APOO: variants seen among roughly 807,000 people sequenced by gnomAD.
APOO encodes apolipoprotein O, also known as MICOS complex subunit MIC26.
Under a neutral mutation model 23.1 loss-of-function variants are expected in APOO, and 11 were observed. The ratio of observed to expected loss-of-function variants is 0.48; its 90% CI spans 0.30 to 0.79. APOO has a LOEUF of 0.79. APOO is among the 30% of genes least tolerant of loss of function. The probability of loss-of-function intolerance (pLI) is 0.07; values close to 1 mark genes in which losing one functional copy is unlikely to be tolerated. For missense variants in APOO, 160 were observed against 142.7 expected, an observed-to-expected ratio of 1.12 and a Z score of -0.62; for synonymous variants, 59 against 54.8, an observed-to-expected ratio of 1.08 and a Z score of -0.34.
chrX:23,862,985 AT>A (rs770540878), intron 5 of APOO, among the ~76,000 whole-genome samples: 9 of 105,132 alleles, frequency 8.6e-5, no homozygotes, highest in Non-Finnish European at 1.6e-4. Flanking sequence ...AAAAGAAGAT[AT>A]TTTCCTTCAG....
intron 8 of APOO, among the ~76,000 whole-genome samples, chrX:23,836,226 C>T (rs764721415): frequency 3.6e-4 from 41 of 112,680 alleles, no homozygotes; most frequent in Non-Finnish European, 6.4e-4. Flanking sequence ...CTCTACCTCC[C>T]GGGTTCAAGC....
At chrX:23,876,548 C>A (rs748175193) in intron 3 of APOO, among the ~76,000 whole-genome samples, 1 of 110,470 alleles carries the variant, frequency 9.1e-6, no homozygotes, top group South Asian at 3.8e-4. Flanking sequence ...TGCCTGTAAT[C>A]CCAGCACCTT....
At chrX:23,887,226 TC>T (rs1372907673) in intron 1 of APOO, among the ~76,000 whole-genome samples, 2 of 84,186 alleles carry the variant, frequency 2.4e-5, no homozygotes, top group African/African-American at 8.2e-5. Flanking sequence ...TTTTTCTTTT[TC>T]CCTTTTTTTT....
intron 1 of APOO, among the ~76,000 whole-genome samples, chrX:23,895,620 A>G (rs1005195894): frequency 1.2e-4 from 13 of 111,298 alleles, no homozygotes; most frequent in Admixed American, 7.7e-4. Context: ...ACAAACCTTC[A>G]TGTTCCGCAC....
intron 1 of APOO, among the ~76,000 whole-genome samples, chrX:23,895,841 AAAG>A (rs371264699): frequency 3.4e-4 from 37 of 109,478 alleles, no homozygotes; most frequent in African/African-American, 6.6e-4. Context: ...ACTAAAAAAA[AAAG>A]AAGAAGAAGA....
At position 23,907,924 on chromosome X, in the gene APOO, C is replaced by G; in HGVS notation, c.-222G>C. On this transcript the variant is annotated 5_prime_UTR_variant, in exon 1 of 9. Coordinates refer to ENST00000379226, the MANE Select transcript of APOO (RefSeq NM_024122.5). ...GCCGCAGCGCGTCGCGCCCGGGCAG[C>G]GGGTGAACGCAAACCCCGCCCTCCA... The G allele has an allele frequency of 2.7e-6, 1 of 372,001 alleles. No homozygotes were observed. The highest frequency in any genetic ancestry group is 4.5e-6 in the Non-Finnish European group (1 of 224,122). 30.7% of individuals were successfully genotyped at this position (372,001 alleles called of 1,213,427 possible). A position where few individuals can be genotyped will look rare whatever the true frequency, so the allele number is the denominator to read the frequency against.
At chrX:23,883,893 G>A (rs1334028909) in intron 1 of APOO, 3 of 111,990 alleles carry the variant, frequency 2.7e-5, no homozygotes, top group African/African-American at 9.7e-5. Context: ...CCTGTAAGAG[G>A]GACAAGGGAA....
intron 7 of APOO, among the ~76,000 whole-genome samples, chrX:23,853,737 T>C (rs1924656723): frequency 9.1e-6 from 1 of 110,450 alleles, no homozygotes; most frequent in African/African-American, 3.3e-5. Context: ...GAGATTCTCC[T>C]GCCTCAGCCT....
intron 1 of APOO, among the ~76,000 whole-genome samples, chrX:23,884,725 T>C: frequency 9.0e-6 from 1 of 111,543 alleles, no homozygotes; most frequent in Non-Finnish European, 1.9e-5. Flanking sequence ...TACAACATAA[T>C]GACTAGAGTT....
chrX:23,859,408 ACTTT>A (rs1205462417), intron 5 of APOO, among the ~76,000 whole-genome samples: 1 of 108,177 alleles, frequency 9.2e-6, no homozygotes, highest in Non-Finnish European at 1.9e-5. Context: ...CCATTGATCT[ACTTT>A]CTATCTCTAT....
At chrX:23,851,796 T>C (rs1569228885) in intron 7 of APOO, among the ~76,000 whole-genome samples, 4 of 112,434 alleles carry the variant, frequency 3.6e-5, no homozygotes, top group Middle Eastern at 9.1e-3. Flanking sequence ...AAAAGGGATG[T>C]GGCAGAGCAG....
At chrX:23,875,229 G>A (rs1198895363) in intron 3 of APOO, among the ~76,000 whole-genome samples, 3 of 102,899 alleles carry the variant, frequency 2.9e-5, no homozygotes, top group African/African-American at 7.1e-5. Flanking sequence ...CAGCCTGGGC[G>A]TGTCTCAAAA....
chrX:23,881,397 A>T (rs1926119250), intron 1 of APOO, among the ~76,000 whole-genome samples: 3 of 107,034 alleles, frequency 2.8e-5, no homozygotes, highest in Admixed American at 2.1e-4. Context: ...TTTTTTAAAA[A>T]ATCAGCCAGG....
At chrX:23,877,312 T>C (rs781539907) in intron 3 of APOO, among the ~76,000 whole-genome samples, 1 of 112,503 alleles carries the variant, frequency 8.9e-6, no homozygotes, top group South Asian at 3.6e-4. Flanking sequence ...TTAAAGTCTT[T>C]AGGTATTACT....
At position 23,880,878 on chromosome X, in the gene APOO, G is replaced by A. The variant is rs781514425; in HGVS notation, c.84C>T (p.Asp28=). Reference sequence around the variant, plus strand: ...CCTTCACGGAATTTTTGGGAGGTGAGTCCTTTTTTGGTGCTGCATAGACTT... The same window carrying A: ...CCTTCACGGAATTTTTGGGAGGTGAATCCTTTTTTGGTGCTGCATAGACTT... ...TFKVYAAPKK[D]SPPKNSVKVD... Residue 28 remains aspartate, a synonymous_variant, in exon 2 of 9, where the codon GAC becomes GAT. Coordinates refer to ENST00000379226, the MANE Select transcript of APOO (RefSeq NM_024122.5). The A allele has an allele frequency of 1.3e-5, 15 of 1,189,028 alleles. No individual in the cohort carries two copies. The highest frequency in any genetic ancestry group is 4.7e-5 in the Admixed American group (2 of 42,214).
rs1327762927 is a variant in APOO, at chrX:23,849,754, C to T, written c.561+6548G>A. On this transcript the variant is annotated intron_variant, in intron 7 of 8. Coordinates refer to ENST00000379226, the MANE Select transcript of APOO (RefSeq NM_024122.5). ...TAAAAATACAAAAATTAGGCGGGGG[C>T]GGTGGCGTGCGCCTGCAGTCCCAGC... is the stretch of plus-strand genomic sequence containing the variant. Among the ~76,000 whole-genome samples, 11 of 107,689 alleles carry T rather than the reference C, an allele frequency of 1.0e-4. No individual in the cohort carries two copies. The East Asian group carries it at 1.4e-3, about 14-fold the overall frequency. 93.5% of individuals were successfully genotyped at this position (107,689 alleles called of 115,157 possible). A position where few individuals can be genotyped will look rare whatever the true frequency, so the allele number is the denominator to read the frequency against.
At chrX:23,873,330 C>T (rs1341220824) in intron 4 of APOO, among the ~76,000 whole-genome samples, 1 of 111,150 alleles carries the variant, frequency 9.0e-6, no homozygotes, top group Non-Finnish European at 1.9e-5. Context: ...CAGTAGGGGG[C>T]CAGGTACGGT....
At chrX:23,887,290 G>C (rs1926415041) in intron 1 of APOO, among the ~76,000 whole-genome samples, 1 of 82,833 alleles carries the variant, frequency 1.2e-5, no homozygotes, top group African/African-American at 4.7e-5. Flanking sequence ...CTGGAGTGCA[G>C]TGGCATGATC....
chrX:23,853,602 C>T (rs928483179), intron 7 of APOO, among the ~76,000 whole-genome samples: 5 of 105,757 alleles, frequency 4.7e-5, no homozygotes, highest in African/African-American at 1.8e-4. Flanking sequence ...GCCACCGAGC[C>T]CGACCGTTTT....
Sources: gnomAD v4.1 joint callset for allele counts (sites outside exome capture counted in the v4.1 genomes callset) on GRCh38, gnomAD v4.1.1 for gene constraint, MANE v1.5 for transcripts, NCBI Gene and HGNC (gene_info 2026-07-23, HGNC 2026-07-21) for gene names.